MGMT: variants seen among roughly 807,000 people sequenced by gnomAD.
MGMT encodes the protein O-6-methylguanine-DNA methyltransferase.
A neutral mutation model predicts 15.9 loss-of-function variants in MGMT; 14 were observed. That is an observed-to-expected ratio of 0.88 (90% CI 0.58 to 1.37). MGMT has a LOEUF of 1.37. MGMT is among the 40% of genes most tolerant of loss of function. MGMT has a pLI of 0.00. For synonymous variants in MGMT, 130 were observed against 118.2 expected (o/e 1.10, Z -0.65); for missense variants, 282 against 268.1 (o/e 1.05, Z -0.36).
intron 2 of MGMT, among the ~76,000 whole-genome samples, chr10:129,680,459 A>G (rs555005288): frequency 9.3e-4 from 142 of 152,302 alleles, no homozygotes; most frequent in Non-Finnish European, 1.7e-3. Context: ...GCACTGAGAC[A>G]TGCAGGCATG....
intron 1 of MGMT, among the ~76,000 whole-genome samples, chr10:129,496,390 C>G (rs1263804400): frequency 6.6e-6 from 1 of 152,056 alleles, no homozygotes; most frequent in Non-Finnish European, 1.5e-5. Flanking sequence ...GGCTAGCAAG[C>G]AGAGAGACTA....
intron 1 of MGMT, among the ~76,000 whole-genome samples, chr10:129,511,149 T>G (rs1336975575): frequency 7.7e-6 from 1 of 129,486 alleles, no homozygotes; most frequent in African/African-American, 4.1e-5. Context: ...GTGCTTCATG[T>G]GATGGGAACC....
chr10:129,469,931 C>T (rs940031770), intron 1 of MGMT, among the ~76,000 whole-genome samples: 6 of 151,984 alleles, frequency 3.9e-5, no homozygotes, highest in South Asian at 2.1e-4. Flanking sequence ...AGGGTGGTCT[C>T]GAACTCCTGG....
intron 1 of MGMT, among the ~76,000 whole-genome samples, chr10:129,509,914 TG>T (rs1468025326): frequency 1.1e-4 from 17 of 152,206 alleles, no homozygotes; most frequent in Admixed American, 6.5e-5. Context: ...GGCACCCACC[TG>T]GGGGCTGTTT....
rs544252707 is a variant in MGMT at position 129,494,927 on chromosome 10, A to T, written c.-13+27631A>T. Among the ~76,000 whole-genome samples, 29 of 152,304 alleles carry T rather than the reference A, an allele frequency of 1.9e-4. No homozygotes were observed. In the South Asian group the frequency reaches 4.6e-3, roughly 24 times the overall value. On this transcript the variant is annotated intron_variant, in intron 1 of 4. Coordinates refer to ENST00000651593, the MANE Select transcript of MGMT (RefSeq NM_002412.5). ...CCTTCTCTGTGCTGTGTCAATAGGG[A>T]CGTCACCCCTGTGGGGAAAGGAATT... is the stretch of plus-strand genomic sequence containing the variant.
rs115143602 is a variant in MGMT, at chr10:129,737,253, C to T, written c.275-21949C>T. ...TCCCATATTTCTTGGAGGCTGTGCG[C>T]GTTTCTTTTTATTCTTTTTTCTCTA... On this transcript the variant is annotated intron_variant, in intron 3 of 4. Coordinates refer to ENST00000651593, the MANE Select transcript of MGMT (RefSeq NM_002412.5). Among the ~76,000 whole-genome samples, 1,519 of 152,232 alleles carry T rather than the reference C, an allele frequency of 1.0e-2. 25 individuals are homozygous for T. Among genetic ancestry groups the T allele is most frequent in the African/African-American group, 0.034 (1,397 of 41,528 alleles).
chr10:129,510,991 C>T (rs4603214), intron 1 of MGMT, among the ~76,000 whole-genome samples: 3 of 147,932 alleles, frequency 2.0e-5, no homozygotes, highest in South Asian at 2.1e-4. Flanking sequence ...CCCTGTATAC[C>T]GTCCGCAGCC....
intron 2 of MGMT, among the ~76,000 whole-genome samples, chr10:129,707,224 C>A (rs1342762533): frequency 2.0e-5 from 3 of 151,922 alleles, no homozygotes; most frequent in Admixed American, 2.0e-4. Flanking sequence ...TTGCAGTGAG[C>A]CAAGATCGAG....
At chr10:129,554,216 C>T (rs570932254) in intron 2 of MGMT, among the ~76,000 whole-genome samples, 6 of 152,196 alleles carry the variant, frequency 3.9e-5, no homozygotes, top group Non-Finnish European at 8.8e-5. Flanking sequence ...CAGGTGATGA[C>T]GGGTCATACG....
At chr10:129,530,954 C>T (rs561557612) in intron 1 of MGMT, among the ~76,000 whole-genome samples, 2 of 152,334 alleles carry the variant, frequency 1.3e-5, no homozygotes, top group South Asian at 2.1e-4. Flanking sequence ...CCCAGCCCTG[C>T]GGAGTGGTTC....
At chr10:129,732,441 G>C (rs2133163726) in intron 3 of MGMT, among the ~76,000 whole-genome samples, 1 of 151,816 alleles carries the variant, frequency 6.6e-6, no homozygotes, top group Non-Finnish European at 1.5e-5. Context: ...TGCTTAGAAT[G>C]ATGGTTTCCA....
At chr10:129,748,771 C>T (rs563572106) in intron 3 of MGMT, among the ~76,000 whole-genome samples, 1 of 152,318 alleles carries the variant, frequency 6.6e-6, no homozygotes. Flanking sequence ...TCCATTACCA[C>T]ATGGATTCTT....
chr10:129,639,338 T>C (rs769972619), intron 2 of MGMT, among the ~76,000 whole-genome samples: 4 of 152,136 alleles, frequency 2.6e-5, no homozygotes, highest in Non-Finnish European at 5.9e-5. Context: ...CTAACAGTCT[T>C]AAATGGCTAT....
Position 129,528,892 on chromosome 10 carries a change from T to C in MGMT, c.-12-7349T>C, listed in dbSNP as rs142197639. Among the ~76,000 whole-genome samples, 80 of 152,342 alleles carry C rather than the reference T, an allele frequency of 5.3e-4. 1 individual carries two copies. In the East Asian group the frequency reaches 0.014, roughly 27 times the overall value. On this transcript the variant is annotated intron_variant, in intron 1 of 4. Coordinates refer to ENST00000651593, the MANE Select transcript of MGMT (RefSeq NM_002412.5). The stretch of plus-strand genomic sequence containing the variant: ...GCTTCTCCTCGCTCTTTGGCTACAG[T>C]TGTGACACATTTGCTGCCTGTATTG...
At chr10:129,634,714 A>G (rs957443812) in intron 2 of MGMT, among the ~76,000 whole-genome samples, 2 of 151,934 alleles carry the variant, frequency 1.3e-5, no homozygotes, top group African/African-American at 2.4e-5. Flanking sequence ...CTATAATTCT[A>G]ATTAACTTTT....
At chr10:129,636,961 T>G (rs1847271070) in intron 2 of MGMT, among the ~76,000 whole-genome samples, 1 of 152,262 alleles carries the variant, frequency 6.6e-6, no homozygotes, top group African/African-American at 2.4e-5. Context: ...TCGAGTTGTC[T>G]AAGTCAGAGG....
At chr10:129,672,081 T>C (rs1005404252) in intron 2 of MGMT, among the ~76,000 whole-genome samples, 20 of 152,260 alleles carry the variant, frequency 1.3e-4, no homozygotes, top group African/African-American at 4.1e-4. Flanking sequence ...CAGTACACCA[T>C]TGCCTTTATT....
intron 3 of MGMT, among the ~76,000 whole-genome samples, chr10:129,711,081 C>T (rs986259728): frequency 6.6e-6 from 1 of 152,156 alleles, no homozygotes; most frequent in Non-Finnish European, 1.5e-5. Context: ...AAACTTCTGA[C>T]TGCGCAGTAC....
At chr10:129,657,929 C>T (rs1220603142) in intron 2 of MGMT, among the ~76,000 whole-genome samples, 1 of 152,042 alleles carries the variant, frequency 6.6e-6, no homozygotes, top group South Asian at 2.1e-4. Flanking sequence ...CTAATTGGCA[C>T]CTCTATCCTA....
Sources: allele counts gnomAD v4.1 joint callset (sites outside exome capture counted in the v4.1 genomes callset), GRCh38; gene constraint gnomAD v4.1.1; transcripts MANE v1.5; gene names NCBI Gene and HGNC (gene_info 2026-07-23, HGNC 2026-07-21).